The following TYR variants were observed in gnomAD, a reference collection of about 807,000 sequenced individuals.
TYR encodes the protein tyrosinase.
TYR carries 58 observed loss-of-function variants against 51.5 expected under a neutral mutation model. The observed-to-expected ratio is 1.13, with a 90% CI of 0.91 to 1.40. The LOEUF is 1.40. TYR is among the 40% of genes most tolerant of loss of function. The pLI, the probability that TYR is intolerant of heterozygous loss-of-function variation, is 0.00. For synonymous variants in TYR, 263 were observed against 235.2 expected, an observed-to-expected ratio of 1.12 and a Z score of -1.08; for missense variants, 732 against 647.4, an observed-to-expected ratio of 1.13 and a Z score of -1.42.
chr11:89,177,980 G>C lies in TYR; in HGVS notation c.27G>C (p.Leu9=). The C allele has an allele frequency of 6.2e-7, 1 of 1,614,178 alleles. No homozygotes were observed. The highest frequency in any genetic ancestry group is 1.1e-5 in the South Asian group (1 of 91,082). ...TGCTCCTGGCTGTTTTGTACTGCCT[G>C]CTGTGGAGTTTCCAGACCTCCGCTG... MLLAVLYC[L]LWSFQTSAGH... Residue 9 remains leucine, a synonymous_variant, in exon 1 of 5, where the codon CTG becomes CTC. Transcript: ENST00000263321.
Position 89,255,231 on chromosome 11 carries a change from T to C in TYR, c.1184+27261T>C, listed in dbSNP as rs573902425. On this transcript the variant is annotated intron_variant, in intron 3 of 4. Transcript: ENST00000263321. Reference sequence around the variant, plus strand: ...TTATTAAGATTTGTTTTGTGGCCCATCATATGATCTATCTTGGAGAAAGGT... The same window carrying C: ...TTATTAAGATTTGTTTTGTGGCCCACCATATGATCTATCTTGGAGAAAGGT... Among the ~76,000 whole-genome samples the C allele has an allele frequency of 2.6e-5, 4 of 151,830 alleles. No individual in the cohort carries two copies. In the South Asian group the frequency reaches 8.3e-4, roughly 31 times the overall value.
chr11:89,251,880 A>G (rs1944334960), intron 3 of TYR, among the ~76,000 whole-genome samples: 1 of 151,860 alleles, frequency 6.6e-6, no homozygotes, highest in Non-Finnish European at 1.5e-5. Flanking sequence ...CAGTTAAATC[A>G]TTGAAATGTA....
At chr11:89,199,435 C>A (rs1387964581) in intron 2 of TYR, among the ~76,000 whole-genome samples, 1 of 152,064 alleles carries the variant, frequency 6.6e-6, no homozygotes, top group Non-Finnish European at 1.5e-5. Flanking sequence ...TTAAAAGGTG[C>A]AGGTATTATC....
At chr11:89,194,386 C>T (rs1943487950) in intron 2 of TYR, among the ~76,000 whole-genome samples, 3 of 152,106 alleles carry the variant, frequency 2.0e-5, no homozygotes. Context: ...ACATCATGAC[C>T]ATCTGTCTCA....
chr11:89,230,057 A>T (rs1238930101), intron 3 of TYR, among the ~76,000 whole-genome samples: 1 of 152,112 alleles, frequency 6.6e-6, no homozygotes, highest in Non-Finnish European at 1.5e-5. Context: ...ATTCATACGG[A>T]ACTACAAAAG....
At chr11:89,275,177 C>A (rs1304407612) in intron 3 of TYR, among the ~76,000 whole-genome samples, 1 of 151,880 alleles carries the variant, frequency 6.6e-6, no homozygotes, top group East Asian at 1.9e-4. Context: ...GTGCCGTCAC[C>A]CTTTCTTACA....
intron 1 of TYR, among the ~76,000 whole-genome samples, chr11:89,180,377 A>G (rs1943284923): frequency 6.6e-6 from 1 of 152,222 alleles, no homozygotes; most frequent in South Asian, 2.1e-4. Flanking sequence ...AAGCTGCAAC[A>G]TCCACAGGAA....
In TYR at chr11:89,178,009, A is replaced by G; in HGVS notation, c.56A>G (p.His19Arg). 1 of 1,614,124 alleles carries G rather than the reference A, an allele frequency of 6.2e-7. No homozygotes were observed. The highest frequency in any genetic ancestry group is 8.5e-7 in the Non-Finnish European group (1 of 1,180,012). Residue 19 changes from histidine (H) to arginine (R), a missense_variant, in exon 1 of 5, where the codon CAT becomes CGT. Physicochemically the swap from His to Arg is conservative, Grantham distance 29. Coordinates refer to ENST00000263321, the MANE Select transcript of TYR (RefSeq NM_000372.5). ...LLWSFQTSAG[H>R]FPRACVSSKN... The stretch of plus-strand genomic sequence containing the variant: ...TGGAGTTTCCAGACCTCCGCTGGCC[A>G]TTTCCCTAGAGCCTGTGTCTCCTCT...
At chr11:89,275,077 G>T (rs1944636625) in intron 3 of TYR, among the ~76,000 whole-genome samples, 2 of 151,750 alleles carry the variant, frequency 1.3e-5, no homozygotes, top group South Asian at 2.1e-4. Context: ...ATGGTCTTTG[G>T]CTCCTCATAG....
In TYR at chr11:89,178,735, A is replaced by C; in HGVS notation, c.782A>C (p.Asn261Thr). ...GGAGGTCAGCACCCCACAAATCCTAACTTACTCAGCCCAGCATCATTCTTC... is the reference window on the plus strand; with the variant it reads ...GGAGGTCAGCACCCCACAAATCCTACCTTACTCAGCCCAGCATCATTCTTC... ...YMGGQHPTNP[N>T]LLSPASFFSS... is the part of the protein sequence containing the mutation. Residue 261 changes from asparagine to threonine, a missense_variant, in exon 1 of 5, where the codon AAC becomes ACC. Physicochemically the swap from Asn to Thr is moderately conservative, Grantham distance 65. Transcript: ENST00000263321. 2 of 1,614,044 alleles carry C rather than the reference A, an allele frequency of 1.2e-6. No homozygotes were observed. Among genetic ancestry groups the C allele is most frequent in the Non-Finnish European group, 1.7e-6 (2 of 1,179,994 alleles).
intron 3 of TYR, among the ~76,000 whole-genome samples, chr11:89,261,018 A>G (rs1328129786): frequency 3.3e-5 from 5 of 152,116 alleles, no homozygotes; most frequent in African/African-American, 1.2e-4. Flanking sequence ...GAGATGGAAC[A>G]GTTTCATCCC....
At chr11:89,188,298 G>A (rs566733941) in intron 1 of TYR, among the ~76,000 whole-genome samples, 45 of 151,752 alleles carry the variant, frequency 3.0e-4, no homozygotes, top group Admixed American at 1.2e-3. Context: ...TATGTTTATC[G>A]TGTTCAGTAT....
At chr11:89,227,173 A>G (rs1410985816) in intron 2 of TYR, among the ~76,000 whole-genome samples, 3 of 152,182 alleles carry the variant, frequency 2.0e-5, no homozygotes, top group Non-Finnish European at 4.4e-5. Flanking sequence ...AACATTTAGC[A>G]TACTCAACAT....
chr11:89,218,643 A>C (rs1943866838), intron 2 of TYR, among the ~76,000 whole-genome samples: 1 of 152,202 alleles, frequency 6.6e-6, no homozygotes, highest in African/African-American at 2.4e-5. Context: ...GTAATTAATA[A>C]CAACAGTTAA....
intron 4 of TYR, among the ~76,000 whole-genome samples, chr11:89,292,247 A>C (rs1226912644): frequency 6.6e-6 from 1 of 152,034 alleles, no homozygotes; most frequent in African/African-American, 2.4e-5. Flanking sequence ...TAACACATTC[A>C]GTCATTCAGT....
At chr11:89,291,558 G>T (rs548386389) in intron 4 of TYR, among the ~76,000 whole-genome samples, 1 of 151,810 alleles carries the variant, frequency 6.6e-6, no homozygotes, top group East Asian at 1.9e-4. Context: ...TTGATCACTT[G>T]TGCTGTTTTA....
intron 2 of TYR, among the ~76,000 whole-genome samples, chr11:89,203,163 T>C (rs1943622840): frequency 6.6e-6 from 1 of 152,234 alleles, no homozygotes; most frequent in Non-Finnish European, 1.5e-5. Context: ...AATAAATCAC[T>C]TGAAATTTGC....
At chr11:89,229,971 A>G (rs1470037690) in intron 3 of TYR, among the ~76,000 whole-genome samples, 1 of 152,096 alleles carries the variant, frequency 6.6e-6, no homozygotes, top group African/African-American at 2.4e-5. Flanking sequence ...ATACTACCCA[A>G]AGAAATCTAC....
At chr11:89,217,418 T>C (rs1943845756) in intron 2 of TYR, among the ~76,000 whole-genome samples, 2 of 152,164 alleles carry the variant, frequency 1.3e-5, no homozygotes, top group South Asian at 2.1e-4. Flanking sequence ...CCCCCACTTA[T>C]CTGATGTATC....
Sources: gnomAD v4.1 joint callset for allele counts (sites outside exome capture counted in the v4.1 genomes callset) on GRCh38, gnomAD v4.1.1 for gene constraint, MANE v1.5 for transcripts, NCBI Gene and HGNC (gene_info 2026-07-23, HGNC 2026-07-21) for gene names.